HSD17B4: variants seen among roughly 807,000 people sequenced by gnomAD.
HSD17B4 encodes the protein hydroxysteroid 17-beta dehydrogenase 4.
Under a neutral mutation model 101.0 loss-of-function variants are expected in HSD17B4, and 70 were observed. That is an observed-to-expected ratio of 0.69 (90% CI 0.57 to 0.85). The LOEUF is 0.85. Among genes scored for constraint, HSD17B4 ranks in the 40% least tolerant of loss-of-function variants. The pLI is 0.00. For synonymous variants in HSD17B4, 347 were observed against 297.1 expected, an observed-to-expected ratio of 1.17 and a Z score of -1.73; for missense variants, 984 against 892.4, an observed-to-expected ratio of 1.10 and a Z score of -1.31.
intron 9 of HSD17B4, among the ~76,000 whole-genome samples, chr5:119,490,723 C>G (rs1339743631): frequency 6.6e-6 from 1 of 152,072 alleles, no homozygotes; most frequent in Admixed American, 6.6e-5. Flanking sequence ...CACCCACCAC[C>G]AAACCCAGCT....
intron 3 of HSD17B4, 97 bp downstream of exon 3, chr5:119,474,112 T>C (rs1460754261): frequency 1.1e-5 from 9 of 787,438 alleles, no homozygotes; most frequent in Non-Finnish European, 2.0e-5. Context: ...TATTCCAGTA[T>C]AATTATGATT....
chr5:119,505,405 G>A (rs1751554025), intron 14 of HSD17B4, among the ~76,000 whole-genome samples: 1 of 152,028 alleles, frequency 6.6e-6, no homozygotes, highest in South Asian at 2.1e-4. Context: ...ATTTGTTTGT[G>A]TTATCTGATT....
chr5:119,531,230 C>T, intron 21 of HSD17B4, 36 bp from the exon 22 acceptor site: 1 of 1,608,542 alleles, frequency 6.2e-7, no homozygotes, highest in South Asian at 1.1e-5. Context: ...GTTATTTTTA[C>T]AGAACTTTTA....
chr5:119,480,616 A>G (rs148439041), intron 8 of HSD17B4, among the ~76,000 whole-genome samples: 4,753 of 152,312 alleles, frequency 0.031, 115 homozygotes, highest in Non-Finnish European at 0.048. Flanking sequence ...AAAATTGCTA[A>G]TGAAGTTTTG....
chr5:119,476,822 C>T (rs1748632805), intron 6 of HSD17B4: 1 of 406,252 alleles, frequency 2.5e-6, no homozygotes, highest in Non-Finnish European at 3.3e-6. Flanking sequence ...CTCTTACATT[C>T]TTCTTCTAAT....
intron 20 of HSD17B4, 114 bp from the exon 21 acceptor site, chr5:119,529,780 A>C: frequency 1.5e-6 from 1 of 689,534 alleles, no homozygotes; most frequent in Non-Finnish European, 2.6e-6. Context: ...GGATTATTAT[A>C]TTCTTTTTCA....
At chr5:119,533,036 A>G (rs1333392622) in intron 22 of HSD17B4, among the ~76,000 whole-genome samples, 4 of 152,110 alleles carry the variant, frequency 2.6e-5, no homozygotes, top group Non-Finnish European at 5.9e-5. Context: ...TGTTTTATGT[A>G]TTATATTTCC....
In HSD17B4 at chr5:119,516,598, G is replaced by A. The variant is rs1580671600; in HGVS notation, c.1503+1552G>A. On this transcript the variant is annotated intron_variant, in intron 17 of 23. Coordinates refer to ENST00000510025, the MANE Select transcript of HSD17B4 (RefSeq NM_000414.4). ...TTTGGCAGAGGTTCTTGGCCATTTTGTATTGTATGATAATTAGAGAATATA... is the reference window on the plus strand; with the variant it reads ...TTTGGCAGAGGTTCTTGGCCATTTTATATTGTATGATAATTAGAGAATATA... Among the ~76,000 whole-genome samples the A allele has an allele frequency of 2.0e-5, 3 of 152,252 alleles. No homozygotes were observed. In the South Asian group the frequency reaches 6.2e-4, roughly 32 times the overall value.
intron 8 of HSD17B4, among the ~76,000 whole-genome samples, chr5:119,481,950 T>C (rs1749179004): frequency 6.6e-6 from 1 of 152,102 alleles, no homozygotes; most frequent in Non-Finnish European, 1.5e-5. Context: ...ATTTTCTCCT[T>C]ATCTTTGGTT....
intron 23 of HSD17B4, 26 bp from the exon 24 acceptor site, chr5:119,541,879 A>G: frequency 7.2e-7 from 1 of 1,386,402 alleles, no homozygotes; most frequent in Non-Finnish European, 1.0e-6. Context: ...AACAGTTGGC[A>G]CTCTTTTTCC....
chr5:119,454,639 T>G (rs1264034724), intron 1 of HSD17B4, among the ~76,000 whole-genome samples: 1 of 150,742 alleles, frequency 6.6e-6, no homozygotes, highest in Non-Finnish European at 1.5e-5. Flanking sequence ...TGTTTTTGTT[T>G]GAGAGGGAGT....
At position 119,474,257 on chromosome 5, in the gene HSD17B4, A is replaced by T. The variant is rs920914726; in HGVS notation, c.221-144A>T. 26 of 726,994 alleles carry T rather than the reference A, an allele frequency of 3.6e-5. No individual in the cohort carries two copies. The African/African-American group carries it at 4.4e-4, about 12-fold the overall frequency. The allele number at this position is 726,994 out of a possible 1,614,324, so 45.0% of individuals were successfully genotyped here. On this transcript the variant is annotated intron_variant, in intron 3 of 23. Coordinates refer to ENST00000510025, the MANE Select transcript of HSD17B4 (RefSeq NM_000414.4). ...TTTTTATTAGTGAGCACATGATATA[A>T]TTAGTAAATTATTGTAGATATGGAT...
Position 119,475,804 on chromosome 5 carries a change from A to G in HSD17B4, c.303-20A>G, listed in dbSNP as rs371781185. The G allele has an allele frequency of 8.2e-6, 13 of 1,590,934 alleles. No homozygotes were observed. Among genetic ancestry groups the G allele is most frequent in the African/African-American group, 2.7e-5 (2 of 74,642 alleles). Reference sequence around the variant, plus strand: ...GTATATACTTTCCTCCTTTTACCCTATACAACATTGATTTTTTAGAATTCT... The same window carrying G: ...GTATATACTTTCCTCCTTTTACCCTGTACAACATTGATTTTTTAGAATTCT... On this transcript the variant is annotated intron_variant, in intron 5 of 23. Coordinates refer to ENST00000510025, the MANE Select transcript of HSD17B4 (RefSeq NM_000414.4).
rs1034430828 is a variant in HSD17B4 at position 119,496,558 on chromosome 5, T to A, written c.884T>A (p.Ile295Lys). 1 of 1,566,992 alleles carries A rather than the reference T, an allele frequency of 6.4e-7. No homozygotes were observed. Among genetic ancestry groups the A allele is most frequent in the Non-Finnish European group, 8.8e-7 (1 of 1,137,118 alleles). ...PQSIQESTGS[I>K]IEVLSKIDSE... ...TTCATTTTAGAATCAACTGGCAGTATAATTGAAGTTCTGAGTAAAATAGAT... is the reference window on the plus strand; with the variant it reads ...TTCATTTTAGAATCAACTGGCAGTAAAATTGAAGTTCTGAGTAAAATAGAT... Residue 295 changes from isoleucine to lysine, a missense_variant, in exon 12 of 24, where the codon ATA becomes AAA. Ile to Lys is a moderately radical substitution (Grantham distance 102, BLOSUM62 -3). Transcript: ENST00000510025.
chr5:119,498,872 T>G (rs1340147524), intron 12 of HSD17B4, among the ~76,000 whole-genome samples: 1 of 152,098 alleles, frequency 6.6e-6, no homozygotes, highest in African/African-American at 2.4e-5. Flanking sequence ...AGAGCGAGAC[T>G]CCATCTCAAA....
intron 21 of HSD17B4, 46 bp from the exon 22 acceptor site, chr5:119,531,220 G>A (rs759132589): frequency 5.6e-6 from 9 of 1,599,708 alleles, no homozygotes; most frequent in Non-Finnish European, 7.7e-6. Context: ...TTCTCCATGA[G>A]TTATTTTTAC....
intron 17 of HSD17B4, among the ~76,000 whole-genome samples, chr5:119,520,650 T>C (rs934951639): frequency 6.6e-6 from 1 of 152,224 alleles, no homozygotes; most frequent in African/African-American, 2.4e-5. Context: ...CATTGCCTGC[T>C]GTCCAATGTC....
chr5:119,526,255 G>T (rs1209623892), intron 19 of HSD17B4, among the ~76,000 whole-genome samples: 1 of 150,472 alleles, frequency 6.6e-6, no homozygotes, highest in Non-Finnish European at 1.5e-5. Flanking sequence ...TAACTGGGTT[G>T]CTTTATAAAT....
chr5:119,488,765 CTCAA>C (rs1749830355), intron 8 of HSD17B4, among the ~76,000 whole-genome samples: 1 of 152,132 alleles, frequency 6.6e-6, no homozygotes, highest in Non-Finnish European at 1.5e-5. Flanking sequence ...ATTCAGCACT[CTCAA>C]TCATTATTTG....
Sources: gnomAD v4.1 joint callset for allele counts (sites outside exome capture counted in the v4.1 genomes callset) on GRCh38, gnomAD v4.1.1 for gene constraint, MANE v1.5 for transcripts, NCBI Gene and HGNC (gene_info 2026-07-23, HGNC 2026-07-21) for gene names.